Variants in MYH14 observed in about 807,000 individuals in gnomAD.
MYH14 encodes the protein myosin heavy chain 14, also known as myosin-14.
In MYH14, 123 loss-of-function variants were observed where a neutral mutation model predicts 255.5. The observed-to-expected ratio is 0.48, with a 90% CI of 0.42 to 0.56. The LOEUF is 0.56. Ranked by LOEUF, MYH14 falls within the 20% of genes least tolerant of loss-of-function variation. The pLI is 0.00. For synonymous variants in MYH14, 1,095 were observed against 1,161.2 expected, an observed-to-expected ratio of 0.94 and a Z score of 1.16; for missense variants, 2,423 against 2,802.3, an observed-to-expected ratio of 0.86 and a Z score of 3.06.
In MYH14 at chr19:50,263,550, AG is replaced by A. The variant is rs1224242972; in HGVS notation, c.2694+132del. On this transcript the variant is annotated intron_variant, in intron 22 of 42. Transcript: ENST00000642316. ...TCACTAAAATGGGGCCAGTCGGCCC[AG>A]GCTTTGCTAGCTGGGATTCTTTAGT... 39 of 522,540 alleles carry A rather than the reference AG, an allele frequency of 7.5e-5. No individual in the cohort carries two copies. The East Asian group carries it at 1.3e-3, about 17-fold the overall frequency. 32.4% of individuals were successfully genotyped at this position (522,540 alleles called of 1,614,324 possible). A position where few individuals can be genotyped will look rare whatever the true frequency, so the allele number is the denominator to read the frequency against.
At chr19:50,257,513 G>C (rs912467307) in intron 18 of MYH14, 27 bp downstream of exon 18, 1 of 1,574,034 alleles carries the variant, frequency 6.4e-7, no homozygotes, top group Middle Eastern at 1.7e-4. Context: ...GGGGAGGAAG[G>C]GGTGGCTGTG....
In MYH14 at chr19:50,300,965, C is replaced by A. The variant is rs188404098; in HGVS notation, c.5470-696C>A. On this transcript the variant is annotated intron_variant, in intron 39 of 42. Transcript: ENST00000642316. Reference sequence around the variant, plus strand: ...GTTTTTTAAGTTAAAAAAAAAAAACCCCACAAAGGAGAATATGCTAATTAC... The same window carrying A: ...GTTTTTTAAGTTAAAAAAAAAAAACACCACAAAGGAGAATATGCTAATTAC... 3.6e-3 allele frequency among the ~76,000 whole-genome samples: 549 copies of A among 151,452 alleles called. 3 individuals carry two copies. Among genetic ancestry groups the A allele is most frequent in the Non-Finnish European group, 5.7e-3 (389 of 67,914 alleles).
chr19:50,304,266 A>G (rs2036584610), intron 40 of MYH14, among the ~76,000 whole-genome samples: 2 of 152,182 alleles, frequency 1.3e-5, no homozygotes, highest in Admixed American at 1.3e-4. Context: ...TCCCTTTTGT[A>G]TTCATTCATT....
At chr19:50,257,267 C>A (rs1326826790) in intron 17 of MYH14, 32 bp from the exon 18 acceptor site, 2 of 1,552,212 alleles carry the variant, frequency 1.3e-6, no homozygotes, top group African/African-American at 1.4e-5. Context: ...CCCTGACCTC[C>A]TTCTCTCTCT....
chr19:50,309,561 T>C, intron 42 of MYH14, 79 bp from the exon 43 acceptor site: 2 of 768,696 alleles, frequency 2.6e-6, no homozygotes, highest in Non-Finnish European at 4.2e-6. Context: ...CTCCCCCTCA[T>C]CTCTCTCTCT....
chr19:50,256,998 G>C (rs1227401664), intron 17 of MYH14, among the ~76,000 whole-genome samples: 1 of 152,212 alleles, frequency 6.6e-6, no homozygotes, highest in Non-Finnish European at 1.5e-5. Context: ...GGAAAACAGA[G>C]ATCATGTCCT....
rs951456699 is a variant in MYH14, at chr19:50,221,961, C to T, written c.563-1122C>T. Among the ~76,000 whole-genome samples the T allele has an allele frequency of 6.6e-6, 1 of 152,124 alleles. No homozygotes were observed. The highest frequency in any genetic ancestry group is 2.4e-5 in the African/African-American group (1 of 41,416). On this transcript the variant is annotated intron_variant, in intron 3 of 42. Coordinates refer to ENST00000642316, the MANE Select transcript of MYH14 (RefSeq NM_001145809.2). The surrounding 1 kb of genome is among the most constrained non-coding windows in gnomAD (Gnocchi z 5.3). ...CTTCCCCCAAGTCAATTCTTATTAC[C>T]TAACACCAGGGTTTTGGAATCCTGG...
intron 33 of MYH14, among the ~76,000 whole-genome samples, chr19:50,284,390 G>A (rs556778939): frequency 3.3e-5 from 5 of 151,808 alleles, no homozygotes; most frequent in East Asian, 1.9e-4. Flanking sequence ...TTTTTGAGAC[G>A]GAGTCTTGCA....
At chr19:50,251,520 C>CATATATA (rs1208203151) in intron 15 of MYH14, among the ~76,000 whole-genome samples, 108 of 17,152 alleles carry the variant, frequency 6.3e-3, no homozygotes, top group African/African-American at 0.012. Flanking sequence ...TATATACACA[C>CATATATA]TACACACACA....
At chr19:50,223,387 C>G in intron 5 of MYH14, 38 bp downstream of exon 5, 1 of 1,329,960 alleles carries the variant, frequency 7.5e-7, no homozygotes, top group East Asian at 2.5e-5. Flanking sequence ...CGGGCCCTGC[C>G]ACAGCACTGC....
rs1416065965 is a variant in MYH14 at position 50,247,105 on chromosome 19, G to T, written c.1312G>T (p.Ala438Ser). The T allele has an allele frequency of 6.2e-7, 1 of 1,613,252 alleles. No individual in the cohort carries two copies. The highest frequency in any genetic ancestry group is 1.1e-5 in the South Asian group (1 of 90,888). Reference protein sequence around the residue: ...IKVGRDYVQKAQTKEQADFAL... With the variant: ...IKVGRDYVQKSQTKEQADFAL... ...AGTTGGCCGAGACTATGTGCAGAAAGCCCAGACTAAGGAACAGGTAGGCGG... is the reference window on the plus strand; with the variant it reads ...AGTTGGCCGAGACTATGTGCAGAAATCCCAGACTAAGGAACAGGTAGGCGG... Residue 438 changes from alanine (A) to serine (S), a missense_variant, in exon 12 of 43, where the codon GCC becomes TCC. Physicochemically the swap from Ala to Ser is moderately conservative, Grantham distance 99 (BLOSUM62 1). Around this residue, in one of 3 missense-constraint regions of MYH14, gnomAD observed 672 missense variants for 881.8 expected, o/e 0.76. Transcript: ENST00000642316.
intron 10 of MYH14, among the ~76,000 whole-genome samples, chr19:50,237,367 T>C (rs1367539104): frequency 3.3e-5 from 5 of 150,652 alleles, no homozygotes; most frequent in Non-Finnish European, 7.4e-5. Flanking sequence ...TTCTGTCACC[T>C]GGGGTTGGAG....
intron 15 of MYH14, among the ~76,000 whole-genome samples, chr19:50,251,281 A>T (rs2034359388): frequency 6.6e-6 from 1 of 152,232 alleles, no homozygotes; most frequent in Admixed American, 6.5e-5. Flanking sequence ...TCTCTGTCAC[A>T]GCTACACAAT....
intron 10 of MYH14, among the ~76,000 whole-genome samples, chr19:50,238,085 T>G (rs947081129): frequency 6.6e-6 from 1 of 152,184 alleles, no homozygotes; most frequent in South Asian, 2.1e-4. Context: ...CCATTTTACA[T>G]CTCTGCCTGC....
At chr19:50,291,934 C>T (rs1192383297) in intron 36 of MYH14, among the ~76,000 whole-genome samples, 3 of 152,134 alleles carry the variant, frequency 2.0e-5, no homozygotes, top group Non-Finnish European at 4.4e-5. Context: ...GGGGCAGTGG[C>T]TGGCTCACAG....
chr19:50,210,881 C>G, intron 2 of MYH14, 111 bp downstream of exon 2: 10 of 1,472,052 alleles, frequency 6.8e-6, no homozygotes, highest in Non-Finnish European at 9.0e-6. Context: ...TCATCTGTAT[C>G]CCATGTCCCG....
Position 50,259,160 on chromosome 19 carries a change from C to CTGG in MYH14, c.2249_2250insTGG (p.Pro750_Arg751insGly). 2 of 1,557,124 alleles carry CTGG rather than the reference C, an allele frequency of 1.3e-6. No homozygotes were observed. The highest frequency in any genetic ancestry group is 1.7e-6 in the Non-Finnish European group (2 of 1,150,038). ...TCTCCCCAGGCCGGGAAGCTGGAGCCACGGCTGGTGCTGGACCAGCTTCGC... is the reference window on the plus strand; with the variant it reads ...TCTCCCCAGGCCGGGAAGCTGGAGCCTGGACGGCTGGTGCTGGACCAGCTTCGC... On this transcript the variant is annotated inframe_insertion, in exon 19 of 43. Coordinates refer to ENST00000642316, the MANE Select transcript of MYH14 (RefSeq NM_001145809.2).
chr19:50,292,287 G>T lies in MYH14; in HGVS notation c.5154G>T (p.Glu1718Asp). The change falls in exon 37 of 43, where the codon GAG (glutamate) becomes GAT (aspartate). Residue 1718 changes from glutamate (E) to aspartate (D), a missense_variant. By Grantham distance (45) the Glu-to-Asp change is conservative. Around this residue, in one of 3 missense-constraint regions of MYH14, gnomAD observed 1,513 missense variants for 1,674.8 expected, o/e 0.90. Transcript: ENST00000642316. Reference protein sequence around the residue: ...MQAQMKELWREVEETRTSREE... With the variant: ...MQAQMKELWRDVEETRTSREE... ...CCCAGATGAAGGAGCTATGGCGGGA[G>T]GTGGAGGAGACACGCACCTCCCGGG... is the stretch of plus-strand genomic sequence containing the variant. 6.2e-7 allele frequency: 1 copy of T among 1,603,064 alleles called. No homozygotes were observed. The highest frequency in any genetic ancestry group is 8.5e-7 in the Non-Finnish European group (1 of 1,175,490).
At chr19:50,306,752 T>G (rs2123491241) in intron 40 of MYH14, among the ~76,000 whole-genome samples, 1 of 152,262 alleles carries the variant, frequency 6.6e-6, no homozygotes, top group Admixed American at 6.5e-5. Context: ...AAACTGTAGT[T>G]TGTAAATGAT....
Sources: gnomAD v4.1 joint callset for allele counts (sites outside exome capture counted in the v4.1 genomes callset) on GRCh38, gnomAD v4.1.1 for gene constraint, gnomAD v4.1.1 regional missense constraint, Gnocchi (gnomAD v3.1) non-coding constraint, MANE v1.5 for transcripts, NCBI Gene and HGNC (gene_info 2026-07-23, HGNC 2026-07-21) for gene names.